Variants in PXDNL observed in about 807,000 individuals in gnomAD.
PXDNL encodes the protein probable oxidoreductase PXDNL.
A neutral mutation model predicts 150.8 loss-of-function variants in PXDNL; 145 were observed. The observed-to-expected ratio is 0.96, with a 90% CI of 0.84 to 1.10. The LOEUF (loss-of-function observed/expected upper bound fraction) is 1.10. Among genes scored for constraint, PXDNL ranks in the 50% least tolerant of loss-of-function variants. The pLI is 0.00. For synonymous variants in PXDNL, 757 were observed against 725.7 expected (o/e 1.04, Z -0.69); for missense variants, 2,087 against 1,873.9 (o/e 1.11, Z -2.10).
At chr8:51,509,146 C>T (rs901743877) in intron 4 of PXDNL, among the ~76,000 whole-genome samples, 1 of 152,162 alleles carries the variant, frequency 6.6e-6, no homozygotes, top group African/African-American at 2.4e-5. Flanking sequence ...ACCACACACA[C>T]AAAACAATAA....
intron 4 of PXDNL, among the ~76,000 whole-genome samples, chr8:51,553,315 C>T (rs2130530518): frequency 6.6e-6 from 1 of 152,286 alleles, no homozygotes. Context: ...CCCATTACTC[C>T]ACTAGGCATT....
intron 20 of PXDNL, among the ~76,000 whole-genome samples, chr8:51,342,771 T>C (rs1011584642): frequency 2.0e-5 from 3 of 151,396 alleles, no homozygotes; most frequent in Non-Finnish European, 4.4e-5. Context: ...TATAAGACAC[T>C]ATAACTAGCC....
intron 4 of PXDNL, among the ~76,000 whole-genome samples, chr8:51,541,611 G>A (rs903894219): frequency 4.6e-5 from 7 of 152,144 alleles, no homozygotes; most frequent in Non-Finnish European, 7.4e-5. Context: ...GCCTCTGCAG[G>A]TCTCTAGGGC....
rs542089591 is a variant in PXDNL, at chr8:51,660,601, G to T, written c.165-5841C>A. 1.7e-4 allele frequency among the ~76,000 whole-genome samples: 26 copies of T among 152,238 alleles called. No individual in the cohort carries two copies. The South Asian group carries it at 5.2e-3, about 30-fold the overall frequency. On this transcript the variant is annotated intron_variant, in intron 1 of 22. Coordinates refer to ENST00000356297, the MANE Select transcript of PXDNL (RefSeq NM_144651.5). ...TTTCTGGGAGAAAGCCTGTCTTCCTGAGAAAAAGATCAACCAGATCTGTAC... is the reference window on the plus strand; with the variant it reads ...TTTCTGGGAGAAAGCCTGTCTTCCTTAGAAAAAGATCAACCAGATCTGTAC...
chr8:51,557,754 A>G (rs1444921634), intron 3 of PXDNL, among the ~76,000 whole-genome samples: 1 of 152,178 alleles, frequency 6.6e-6, no homozygotes, highest in African/African-American at 2.4e-5. Context: ...GATATTTTCT[A>G]GATAATTCAG....
At chr8:51,795,361 T>C (rs1184567261) in intron 1 of PXDNL, among the ~76,000 whole-genome samples, 1 of 152,210 alleles carries the variant, frequency 6.6e-6, no homozygotes, top group Non-Finnish European at 1.5e-5. Flanking sequence ...TGGTGCCACA[T>C]GGCACTTACT....
At chr8:51,557,250 A>T (rs1260830230) in intron 3 of PXDNL, among the ~76,000 whole-genome samples, 1 of 152,256 alleles carries the variant, frequency 6.6e-6, no homozygotes, top group Non-Finnish European at 1.5e-5. Flanking sequence ...AATTTATTTT[A>T]TGACACTGAA....
At chr8:51,741,614 C>T (rs924634890) in intron 1 of PXDNL, among the ~76,000 whole-genome samples, 2 of 152,102 alleles carry the variant, frequency 1.3e-5, no homozygotes, top group African/African-American at 2.4e-5. Flanking sequence ...AGTTTCAAGA[C>T]AGTGTGGTAT....
chr8:51,329,663 G>A (rs1219090334), intron 21 of PXDNL, among the ~76,000 whole-genome samples: 3 of 152,146 alleles, frequency 2.0e-5, no homozygotes, highest in African/African-American at 4.8e-5. Flanking sequence ...AGGAAAACAT[G>A]GGTAATGTAA....
At chr8:51,551,725 G>A (rs1013999342) in intron 4 of PXDNL, among the ~76,000 whole-genome samples, 1 of 152,168 alleles carries the variant, frequency 6.6e-6, no homozygotes, top group Admixed American at 6.6e-5. Flanking sequence ...AAAAATTCTA[G>A]AAGATAACAT....
chr8:51,449,954 A>G (rs889480707), intron 10 of PXDNL, among the ~76,000 whole-genome samples: 1 of 152,160 alleles, frequency 6.6e-6, no homozygotes, highest in Non-Finnish European at 1.5e-5. Flanking sequence ...AAGAATGGCT[A>G]CTCCACAGGC....
intron 1 of PXDNL, among the ~76,000 whole-genome samples, chr8:51,717,742 G>A (rs1816643625): frequency 6.6e-6 from 1 of 152,226 alleles, no homozygotes; most frequent in Non-Finnish European, 1.5e-5. Flanking sequence ...AGGCCTCATT[G>A]GCCCAACCTT....
chr8:51,373,909 T>C (rs73579639), intron 18 of PXDNL, among the ~76,000 whole-genome samples: 3,585 of 152,286 alleles, frequency 0.024, 126 homozygotes, highest in African/African-American at 0.082. Context: ...TTGTATTTCT[T>C]GGTTTTTATT....
chr8:51,320,264 G>A (rs1805277785), intron 22 of PXDNL, among the ~76,000 whole-genome samples: 1 of 152,164 alleles, frequency 6.6e-6, no homozygotes, highest in Non-Finnish European at 1.5e-5. Flanking sequence ...CATATGGTAG[G>A]ATTAGCTGAG....
chr8:51,322,657 G>A (rs1028021358), intron 21 of PXDNL, among the ~76,000 whole-genome samples: 3 of 152,210 alleles, frequency 2.0e-5, no homozygotes, highest in Non-Finnish European at 4.4e-5. Context: ...GCAGGTAGAG[G>A]AGATTGGCTA....
intron 8 of PXDNL, among the ~76,000 whole-genome samples, chr8:51,467,575 A>G (rs1462482877): frequency 1.3e-5 from 2 of 152,082 alleles, no homozygotes; most frequent in South Asian, 2.1e-4. Context: ...ATCATGTAGT[A>G]TACCTTTGTA....
intron 12 of PXDNL, chr8:51,435,891 C>G: frequency 2.1e-6 from 1 of 467,356 alleles, no homozygotes; most frequent in Non-Finnish European, 4.3e-6. Flanking sequence ...TAAAATGGAT[C>G]GTAAGCATAA....
intron 17 of PXDNL, among the ~76,000 whole-genome samples, chr8:51,378,990 C>CT (rs1807450828): frequency 1.3e-5 from 2 of 152,196 alleles, no homozygotes; most frequent in Non-Finnish European, 2.9e-5. Flanking sequence ...TCACAGCTCA[C>CT]TGTAGCTTCA....
chr8:51,355,304 G>T (rs747890629), intron 19 of PXDNL, among the ~76,000 whole-genome samples: 3 of 152,102 alleles, frequency 2.0e-5, no homozygotes, highest in Non-Finnish European at 4.4e-5. Flanking sequence ...TTATTTGAAA[G>T]AAAGTCATGA....
Sources: allele counts gnomAD v4.1 joint callset (sites outside exome capture counted in the v4.1 genomes callset), GRCh38; gene constraint gnomAD v4.1.1; transcripts MANE v1.5; gene names NCBI Gene and HGNC (gene_info 2026-07-23, HGNC 2026-07-21).